CCDC85A: variants seen among roughly 807,000 people sequenced by gnomAD.
CCDC85A encodes coiled-coil domain containing 85A, also known as coiled-coil domain-containing protein 85A.
CCDC85A carries 38 observed loss-of-function variants against 50.2 expected under a neutral mutation model. That is an observed-to-expected ratio of 0.76 (90% CI 0.58 to 0.99). The LOEUF (loss-of-function observed/expected upper bound fraction) is 0.99. CCDC85A is among the 50% of genes least tolerant of loss of function. The pLI is 0.00. For synonymous variants in CCDC85A, 366 were observed against 301.4 expected, an observed-to-expected ratio of 1.21 and a Z score of -2.22; for missense variants, 820 against 742.0, an observed-to-expected ratio of 1.11 and a Z score of -1.22.
At chr2:56,262,276 A>G (rs1477850649) in intron 2 of CCDC85A, among the ~76,000 whole-genome samples, 1 of 151,556 alleles carries the variant, frequency 6.6e-6, no homozygotes, top group African/African-American at 2.4e-5. Context: ...ATTGGTTTCA[A>G]ATTTTCTCAT....
chr2:56,289,949 T>C (rs1337559087), intron 2 of CCDC85A, among the ~76,000 whole-genome samples: 2 of 152,178 alleles, frequency 1.3e-5, no homozygotes, highest in Non-Finnish European at 2.9e-5. Context: ...AACTTGTCTC[T>C]GGTACTAGGC....
chr2:56,338,019 G>A (rs113164327), intron 2 of CCDC85A, among the ~76,000 whole-genome samples: 6,404 of 152,072 alleles, frequency 0.042, 423 homozygotes, highest in African/African-American at 0.14. Flanking sequence ...TCTTGACCTC[G>A]TGATCCGCCT....
chr2:56,351,187 A>C (rs1428185877), intron 3 of CCDC85A, among the ~76,000 whole-genome samples: 1 of 151,470 alleles, frequency 6.6e-6, no homozygotes, highest in Admixed American at 6.6e-5. Flanking sequence ...TGAACTCATC[A>C]TTTTTTATGG....
chr2:56,238,979 C>T (rs886815702), intron 2 of CCDC85A, among the ~76,000 whole-genome samples: 2 of 152,064 alleles, frequency 1.3e-5, no homozygotes, highest in African/African-American at 4.8e-5. Context: ...CTGATATGCT[C>T]ACTACTTATC....
chr2:56,184,475 C>G lies in CCDC85A; in HGVS notation c.-150C>G. 2.2e-6 allele frequency: 2 copies of G among 895,622 alleles called. No individual in the cohort carries two copies. Among genetic ancestry groups the G allele is most frequent in the Non-Finnish European group, 2.9e-6 (2 of 687,448 alleles). 55.5% of individuals were successfully genotyped at this position (895,622 alleles called of 1,614,324 possible). A position where few individuals can be genotyped will look rare whatever the true frequency, so the allele number is the denominator to read the frequency against. On this transcript the variant is annotated 5_prime_UTR_variant, in exon 1 of 6. Coordinates refer to ENST00000407595, the MANE Select transcript of CCDC85A (RefSeq NM_001080433.2). ...AGGTAGGATGGCCACCCAGCGCGAC[C>G]CCCGCCGCCCCAACCCAGCGGCCCC...
intron 3 of CCDC85A, among the ~76,000 whole-genome samples, chr2:56,365,442 G>A (rs934743766): frequency 1.3e-5 from 2 of 151,952 alleles, no homozygotes; most frequent in East Asian, 1.9e-4. Flanking sequence ...CAGTTCCTTC[G>A]AAGGCTGCTG....
chr2:56,263,481 G>C (rs993426492), intron 2 of CCDC85A, among the ~76,000 whole-genome samples: 1 of 152,168 alleles, frequency 6.6e-6, no homozygotes, highest in Non-Finnish European at 1.5e-5. Flanking sequence ...TTCTCTGCCT[G>C]TCTGCTCAGA....
intron 2 of CCDC85A, among the ~76,000 whole-genome samples, chr2:56,280,141 A>G (rs1024070264): frequency 6.6e-6 from 1 of 151,768 alleles, no homozygotes; most frequent in Non-Finnish European, 1.5e-5. Flanking sequence ...GAACCTTTTC[A>G]CTCCCTCTAG....
At chr2:56,247,428 A>G (rs748477648) in intron 2 of CCDC85A, among the ~76,000 whole-genome samples, 10 of 152,186 alleles carry the variant, frequency 6.6e-5, no homozygotes, top group Non-Finnish European at 1.2e-4. Flanking sequence ...CCCTGTATAC[A>G]TCATGCAACT....
chr2:56,197,136 T>G (rs1161030910), intron 2 of CCDC85A, among the ~76,000 whole-genome samples: 1 of 152,204 alleles, frequency 6.6e-6, no homozygotes, highest in Non-Finnish European at 1.5e-5. Flanking sequence ...TCTTTTCTTG[T>G]TTTGTGAGGG....
At chr2:56,299,196 G>A (rs986115032) in intron 2 of CCDC85A, among the ~76,000 whole-genome samples, 1 of 152,202 alleles carries the variant, frequency 6.6e-6, no homozygotes, top group Non-Finnish European at 1.5e-5. Flanking sequence ...TCCTGGCCTA[G>A]TGCACTTAGA....
At chr2:56,333,886 A>T (rs751810837) in intron 2 of CCDC85A, among the ~76,000 whole-genome samples, 4 of 152,196 alleles carry the variant, frequency 2.6e-5, no homozygotes, top group South Asian at 2.1e-4. Flanking sequence ...CAGTGGAGGA[A>T]GGTGACAAGA....
At chr2:56,232,523 G>C (rs1668816772) in intron 2 of CCDC85A, among the ~76,000 whole-genome samples, 1 of 152,144 alleles carries the variant, frequency 6.6e-6, no homozygotes, top group Non-Finnish European at 1.5e-5. Flanking sequence ...AGCCTCACCA[G>C]ATCTGATGGT....
chr2:56,370,938 A>G (rs1676040090), intron 3 of CCDC85A, among the ~76,000 whole-genome samples: 1 of 152,170 alleles, frequency 6.6e-6, no homozygotes, highest in African/African-American at 2.4e-5. Flanking sequence ...TAATTATAAA[A>G]TTTGCATTAC....
intron 2 of CCDC85A, among the ~76,000 whole-genome samples, chr2:56,203,888 A>G (rs1218783294): frequency 6.6e-6 from 1 of 152,218 alleles, no homozygotes. Flanking sequence ...CATGGAGTTT[A>G]AAAAGAGTGA....
intron 2 of CCDC85A, among the ~76,000 whole-genome samples, chr2:56,245,338 T>C (rs7559859): frequency 0.03 from 4,557 of 152,302 alleles, 211 homozygotes; most frequent in African/African-American, 0.1. Flanking sequence ...TTGGCAGCAC[T>C]GAATTCCAAA....
intron 2 of CCDC85A, among the ~76,000 whole-genome samples, chr2:56,228,242 A>C (rs1192449355): frequency 1.3e-5 from 2 of 152,092 alleles, no homozygotes; most frequent in Non-Finnish European, 2.9e-5. Context: ...TGACGAGTTG[A>C]TGGGTGCAGC....
intron 2 of CCDC85A, among the ~76,000 whole-genome samples, chr2:56,273,275 A>G (rs866779655): frequency 2.0e-5 from 3 of 152,180 alleles, no homozygotes; most frequent in African/African-American, 4.8e-5. Flanking sequence ...GGAAATTAAC[A>G]TAGAAATAAT....
chr2:56,368,181 C>A (rs1447408774), intron 3 of CCDC85A, among the ~76,000 whole-genome samples: 1 of 152,106 alleles, frequency 6.6e-6, no homozygotes, highest in Non-Finnish European at 1.5e-5. Flanking sequence ...CAGGAAATTA[C>A]TTATTATTTT....
Sources: allele counts gnomAD v4.1 joint callset (sites outside exome capture counted in the v4.1 genomes callset), GRCh38; gene constraint gnomAD v4.1.1; transcripts MANE v1.5; gene names NCBI Gene and HGNC (gene_info 2026-07-23, HGNC 2026-07-21).